The following ALG9 variants were observed in gnomAD, a reference collection of about 807,000 sequenced individuals.
The protein encoded by ALG9 is alpha-1,2-mannosyltransferase ALG9.
In ALG9, 55 loss-of-function variants were observed where a neutral mutation model predicts 81.8. The observed-to-expected ratio is 0.67, with a 90% confidence interval of 0.54 to 0.84. The LOEUF is 0.84. Ranked by LOEUF, ALG9 falls within the 40% of genes least tolerant of loss-of-function variation. ALG9 has a pLI of 0.00. For missense variants in ALG9, 629 were observed against 745.0 expected, an observed-to-expected ratio of 0.84 and a Z score of 1.81; for synonymous variants, 278 against 274.3, an observed-to-expected ratio of 1.01 and a Z score of -0.13.
chr11:111,829,724 A>T (rs1396802492), intron 13 of ALG9, among the ~76,000 whole-genome samples: 1 of 152,224 alleles, frequency 6.6e-6, no homozygotes, highest in Non-Finnish European at 1.5e-5. Context: ...ATATTGTCAC[A>T]GCTTTTCCTC....
chr11:111,859,865 G>A (rs1302853482), intron 5 of ALG9, among the ~76,000 whole-genome samples: 3 of 151,700 alleles, frequency 2.0e-5, no homozygotes, highest in African/African-American at 7.3e-5. Flanking sequence ...CTAAAATTGA[G>A]ACAATTATAT....
chr11:111,864,475 A>G, intron 4 of ALG9: 1 of 727,156 alleles, frequency 1.4e-6, no homozygotes, highest in Non-Finnish European at 2.6e-6. Flanking sequence ...ATGAATTTCA[A>G]AAGTTTCCCA....
At chr11:111,863,898 GAT>G (rs1555150202) in intron 4 of ALG9, among the ~76,000 whole-genome samples, 1 of 152,202 alleles carries the variant, frequency 6.6e-6, no homozygotes, top group African/African-American at 2.4e-5. Context: ...AGACCAGTTA[GAT>G]AGTTTTTAAC....
chr11:111,859,334 T>C (rs940793253), intron 5 of ALG9, among the ~76,000 whole-genome samples: 1 of 151,922 alleles, frequency 6.6e-6, no homozygotes, highest in East Asian at 1.9e-4. Context: ...AAACCCCATC[T>C]CTATTAAAAA....
chr11:111,816,172 T>C (rs1476657805), intron 13 of ALG9, among the ~76,000 whole-genome samples: 2 of 152,190 alleles, frequency 1.3e-5, no homozygotes, highest in Non-Finnish European at 1.5e-5. Context: ...ATTTGAAGGG[T>C]GATACAATTT....
At chr11:111,779,668 C>A (rs938129979), downstream of ALG9, among the ~76,000 whole-genome samples, 33 of 151,978 alleles carry the variant, frequency 2.2e-4, no homozygotes, top group Admixed American at 2.2e-3. Flanking sequence ...ATACTTTCAT[C>A]TCTAGGCATG....
intron 5 of ALG9, among the ~76,000 whole-genome samples, chr11:111,858,374 G>A (rs1449407873): frequency 3.3e-5 from 5 of 152,142 alleles, no homozygotes; most frequent in African/African-American, 1.2e-4. Flanking sequence ...TTCCAGGAAG[G>A]GAATATGCTT....
chr11:111,841,204 G>C (rs1434069654), intron 9 of ALG9, among the ~76,000 whole-genome samples: 1 of 152,138 alleles, frequency 6.6e-6, no homozygotes, highest in African/African-American at 2.4e-5. Flanking sequence ...CATTTCTGGG[G>C]TTTTAATTCC....
the ALG9 span, among the ~76,000 whole-genome samples, chr11:111,771,560 GAGA>G: frequency 2.6e-5 from 4 of 152,330 alleles, no homozygotes; most frequent in East Asian, 7.7e-4. Flanking sequence ...CCCACTGTGT[GAGA>G]AGGCCAAGTG....
At chr11:111,794,418 G>A (rs1223044561) in intron 14 of ALG9, among the ~76,000 whole-genome samples, 1 of 152,128 alleles carries the variant, frequency 6.6e-6, no homozygotes, top group Non-Finnish European at 1.5e-5. Context: ...AGAGTAATGG[G>A]ACTACAGGTA....
At chr11:111,778,518 G>A (rs1555055919), downstream of ALG9, among the ~76,000 whole-genome samples, 1 of 152,176 alleles carries the variant, frequency 6.6e-6, no homozygotes, top group Non-Finnish European at 1.5e-5. Flanking sequence ...ATGGGCTGGA[G>A]TAGACAGAGA....
chr11:111,779,854 T>C (rs1032858027), downstream of ALG9, among the ~76,000 whole-genome samples: 5 of 152,226 alleles, frequency 3.3e-5, no homozygotes, highest in African/African-American at 1.2e-4. Context: ...TCTACCAACC[T>C]ACAACTGGAA....
chr11:111,777,843 G>A (rs546903651), downstream of ALG9, among the ~76,000 whole-genome samples: 6 of 152,302 alleles, frequency 3.9e-5, no homozygotes, highest in African/African-American at 1.2e-4. Context: ...ACAAGAAAGA[G>A]GTGAGACCAA....
chr11:111,871,328 G>T lies in ALG9; in HGVS notation c.131+24C>A, dbSNP rs1003943255. The T allele has an allele frequency of 9.9e-6, 14 of 1,419,170 alleles. No individual in the cohort carries two copies. The African/African-American group carries it at 1.8e-4, about 18-fold the overall frequency. The allele number at this position is 1,419,170 out of a possible 1,614,324, so 87.9% of individuals were successfully genotyped here. A position where few individuals can be genotyped will look rare whatever the true frequency, so the allele number is the denominator to read the frequency against. On this transcript the variant is annotated intron_variant, in intron 1 of 14. Transcript: ENST00000616540. Reference sequence around the variant, plus strand: ...CCGAACCGCCCCGCCGGCCGGCCACGCCCCTGCCGCGCCGCACACGTACTC... The same window carrying T: ...CCGAACCGCCCCGCCGGCCGGCCACTCCCCTGCCGCGCCGCACACGTACTC...
chr11:111,824,953 T>C (rs1244889257), intron 13 of ALG9, among the ~76,000 whole-genome samples: 1 of 152,204 alleles, frequency 6.6e-6, no homozygotes, highest in Non-Finnish European at 1.5e-5. Context: ...AAAAGAAAAG[T>C]ATTCCATCTT....
intron 14 of ALG9, among the ~76,000 whole-genome samples, chr11:111,807,098 C>CA (rs1950037786): frequency 6.6e-6 from 1 of 152,220 alleles, no homozygotes. Flanking sequence ...ATCCCTGCTT[C>CA]TATTCTTACT....
At position 111,799,068 on chromosome 11, in the gene ALG9, T is replaced by C. The variant is rs1948717339; in HGVS notation, c.1733+10575A>G. Among the ~76,000 whole-genome samples, 3 of 152,252 alleles carry C rather than the reference T, an allele frequency of 2.0e-5. No homozygotes were observed. The South Asian group carries it at 6.2e-4, about 31-fold the overall frequency. ...CACAGACATGTGGAATTCCTAAATT[T>C]GCCCCAATCACAAAATTGTCCCAAT... On this transcript the variant is annotated intron_variant, in intron 14 of 14. Transcript: ENST00000616540.
chr11:111,842,702 G>A (rs1300101132), intron 9 of ALG9, among the ~76,000 whole-genome samples: 1 of 151,936 alleles, frequency 6.6e-6, no homozygotes, highest in Non-Finnish European at 1.5e-5. Flanking sequence ...GGGATTATAG[G>A]CATGAGCCAC....
chr11:111,854,095 CTTTTTTT>C (rs34575358), intron 6 of ALG9, among the ~76,000 whole-genome samples: 2 of 117,782 alleles, frequency 1.7e-5, no homozygotes, highest in Non-Finnish European at 3.4e-5. Flanking sequence ...TTATTACAGA[CTTTTTTT>C]TTTTTTTTTT....
Sources: gnomAD v4.1 joint callset for allele counts (sites outside exome capture counted in the v4.1 genomes callset) on GRCh38, gnomAD v4.1.1 for gene constraint, MANE v1.5 for transcripts, NCBI Gene and HGNC (gene_info 2026-07-23, HGNC 2026-07-21) for gene names.